The following KCNU1 variants were observed in gnomAD, a reference collection of about 807,000 sequenced individuals.
KCNU1 encodes potassium calcium-activated channel subfamily U member 1, also known as potassium channel subfamily U member 1.
Under a neutral mutation model 126.8 loss-of-function variants are expected in KCNU1, and 93 were observed. The observed-to-expected ratio is 0.73, with a 90% CI of 0.62 to 0.87. KCNU1 has a LOEUF of 0.87. KCNU1 is among the 40% of genes least tolerant of loss of function. The pLI, the probability that KCNU1 is intolerant of heterozygous loss-of-function variation, is 0.00. For synonymous variants in KCNU1, 523 were observed against 494.2 expected, an observed-to-expected ratio of 1.06 and a Z score of -0.77; for missense variants, 1,330 against 1,367.1, an observed-to-expected ratio of 0.97 and a Z score of 0.43.
At chr8:36,787,740 C>A (rs546032066) in intron 2 of KCNU1, among the ~76,000 whole-genome samples, 1 of 145,372 alleles carries the variant, frequency 6.9e-6, no homozygotes, top group South Asian at 2.2e-4. Flanking sequence ...ATACATTATC[C>A]GTAATAATAT....
chr8:36,840,422 C>T (rs1386250074), intron 14 of KCNU1, 41 bp from the exon 15 acceptor site: 1 of 919,614 alleles, frequency 1.1e-6, no homozygotes, highest in African/African-American at 1.6e-5. Context: ...ATTCTACATT[C>T]CTTGTCGTTT....
intron 18 of KCNU1, among the ~76,000 whole-genome samples, chr8:36,848,339 G>A (rs1480054788): frequency 1.3e-5 from 2 of 152,102 alleles, no homozygotes; most frequent in Non-Finnish European, 2.9e-5. Flanking sequence ...CTGTGCTTTT[G>A]AAGTCTTAGC....
intron 10 of KCNU1, among the ~76,000 whole-genome samples, chr8:36,824,093 T>G (rs1305135834): frequency 6.6e-6 from 1 of 152,130 alleles, no homozygotes; most frequent in Non-Finnish European, 1.5e-5. Flanking sequence ...CGCCTCTACC[T>G]CCCAAAGTAC....
chr8:36,864,055 A>G (rs899020930), intron 18 of KCNU1, among the ~76,000 whole-genome samples: 2 of 152,120 alleles, frequency 1.3e-5, no homozygotes, highest in Admixed American at 1.3e-4. Context: ...AGGAGACAGG[A>G]TTTTTGTAGA....
At chr8:36,872,512 A>G (rs572990940) in intron 19 of KCNU1, among the ~76,000 whole-genome samples, 3 of 152,290 alleles carry the variant, frequency 2.0e-5, no homozygotes, top group African/African-American at 4.8e-5. Flanking sequence ...CTCTGTGACC[A>G]TAAGCAAGTC....
At chr8:36,845,729 C>A in intron 17 of KCNU1, 60 bp downstream of exon 17, 1 of 1,427,246 alleles carries the variant, frequency 7.0e-7, no homozygotes, top group Non-Finnish European at 9.9e-7. Flanking sequence ...ATGGGAGGCC[C>A]ACTGAGTCAG....
Position 36,836,810 on chromosome 8 carries a change from T to G in KCNU1, c.1383T>G (p.Ile461Met). Residue 461 changes from isoleucine to methionine, a missense_variant, in exon 14 of 27, where the codon ATT (isoleucine) becomes ATG (methionine). Ile to Met is a conservative substitution (Grantham distance 10). Transcript: ENST00000399881. The part of the protein sequence containing the change: ...QSHNKVYLPK[I>M]PSWNWDTGDN... ...TGGAACAGGTTTATCTGCCAAAGAT[T>G]CCCAGCTGGAACTGGGACACCGGAG... 1 of 1,613,844 alleles carries G rather than the reference T, an allele frequency of 6.2e-7. No homozygotes were observed. Among genetic ancestry groups the G allele is most frequent in the Non-Finnish European group, 8.5e-7 (1 of 1,179,804 alleles).
intron 7 of KCNU1, among the ~76,000 whole-genome samples, chr8:36,809,279 T>C (rs1244104167): frequency 2.6e-5 from 4 of 152,252 alleles, no homozygotes; most frequent in Non-Finnish European, 5.9e-5. Context: ...AGTCTGGTTC[T>C]TATCCCACAT....
chr8:36,899,432 A>G (rs892382130), intron 19 of KCNU1, among the ~76,000 whole-genome samples: 11 of 151,922 alleles, frequency 7.2e-5, no homozygotes, highest in Admixed American at 3.9e-4. Flanking sequence ...CTTAGAACAC[A>G]GTTTACATTC....
In KCNU1 at chr8:36,845,877, C is replaced by A; in HGVS notation, c.1869C>A (p.Ser623Arg). 6.3e-7 allele frequency: 1 copy of A among 1,597,582 alleles called. No individual in the cohort carries two copies. The highest frequency in any genetic ancestry group is 2.3e-5 in the East Asian group (1 of 44,240). Residue 623 changes from serine (S) to arginine (R), a missense_variant, in exon 18 of 27, where the codon AGC becomes AGA. Physicochemically the swap from Ser to Arg is moderately radical, Grantham distance 110 (BLOSUM62 -1). This residue lies in a region of KCNU1 where 1,054 missense variants were observed against 1,053.9 expected (regional missense o/e 1.00). Coordinates refer to ENST00000399881, the MANE Select transcript of KCNU1 (RefSeq NM_001031836.3). ...PELITNCGCK[S>R]RSRQHITVPS... ...TAATTACAAACTGTGGCTGCAAAAG[C>A]AGAAGCCGGCAGCACATCACAGGTA...
intron 19 of KCNU1, among the ~76,000 whole-genome samples, chr8:36,887,452 G>GT (rs138240609): frequency 0.077 from 7,613 of 99,148 alleles, 326 homozygotes; most frequent in East Asian, 0.23. Context: ...GTTTTTTTTT[G>GT]TTTTTTTTTT....
intron 2 of KCNU1, among the ~76,000 whole-genome samples, chr8:36,789,186 C>T (rs1309836649): frequency 6.6e-6 from 1 of 151,994 alleles, no homozygotes; most frequent in African/African-American, 2.4e-5. Flanking sequence ...CAAGACCTCA[C>T]CTCTACAAAT....
chr8:36,843,021 C>T (rs1044850894), intron 16 of KCNU1, among the ~76,000 whole-genome samples: 6 of 152,120 alleles, frequency 3.9e-5, no homozygotes, highest in Non-Finnish European at 7.4e-5. Flanking sequence ...GACTGCAGAA[C>T]CAAATCTTCA....
intron 10 of KCNU1, among the ~76,000 whole-genome samples, 171 bp downstream of exon 10, chr8:36,817,931 T>G (rs1803981808): frequency 6.6e-6 from 1 of 152,194 alleles, no homozygotes; most frequent in Non-Finnish European, 1.5e-5. Flanking sequence ...TGCAAATATT[T>G]TGGAATATAT....
chr8:36,934,274 A>G (rs1448175365), intron 26 of KCNU1, among the ~76,000 whole-genome samples: 1 of 152,146 alleles, frequency 6.6e-6, no homozygotes, highest in Non-Finnish European at 1.5e-5. Flanking sequence ...TAGACACTGT[A>G]GGCATGTAAA....
At chr8:36,816,216 A>G (rs977404899) in intron 9 of KCNU1, among the ~76,000 whole-genome samples, 9 of 152,134 alleles carry the variant, frequency 5.9e-5, no homozygotes, top group African/African-American at 2.2e-4. Context: ...CGCCTCCTAG[A>G]TGACTGATTT....
In KCNU1 at chr8:36,784,528, A is replaced by G. The variant is rs1802644190; in HGVS notation, c.118A>G (p.Ile40Val). The G allele has an allele frequency of 1.9e-6, 3 of 1,613,922 alleles. No individual in the cohort carries two copies. The highest frequency in any genetic ancestry group is 1.7e-6 in the Non-Finnish European group (2 of 1,179,794). The change falls in exon 1 of 27, where the codon ATC becomes GTC. Residue 40 changes from isoleucine (I) to valine (V), a missense_variant. Ile to Val is a conservative substitution (Grantham distance 29). This residue lies in a region of KCNU1 where 247 missense variants were observed against 255.4 expected (regional missense o/e 0.97). Transcript: ENST00000399881. ...CTTTGTGACCTTCTTCAGTGGACTC[A>G]TCATCCTGTTGATCTTCAGGCTGAT... is the stretch of plus-strand genomic sequence containing the variant. ...SSFVTFFSGL[I>V]ILLIFRLIWR...
chr8:36,904,266 G>C (rs1411525146), intron 19 of KCNU1, among the ~76,000 whole-genome samples: 1 of 152,134 alleles, frequency 6.6e-6, no homozygotes, highest in Non-Finnish European at 1.5e-5. Context: ...AGCAGGCCAG[G>C]GCACTCAGCT....
At chr8:36,908,521 CT>C (rs1807726335) in intron 20 of KCNU1, among the ~76,000 whole-genome samples, 1 of 101,378 alleles carries the variant, frequency 9.9e-6, no homozygotes, top group Admixed American at 1.4e-4. Context: ...TCCCTCCCCC[CT>C]CCCCCCACCC....
Sources: allele counts gnomAD v4.1 joint callset (sites outside exome capture counted in the v4.1 genomes callset), GRCh38; gene constraint gnomAD v4.1.1; regional missense constraint gnomAD v4.1.1; transcripts MANE v1.5; gene names NCBI Gene and HGNC (gene_info 2026-07-23, HGNC 2026-07-21).